INPP4B: variants seen among roughly 807,000 people sequenced by gnomAD.
INPP4B encodes inositol polyphosphate-4-phosphatase type II B.
A neutral mutation model predicts 122.5 loss-of-function variants in INPP4B; 55 were observed. The observed-to-expected ratio is 0.45, with a 90% confidence interval of 0.36 to 0.56. INPP4B has a LOEUF of 0.56. INPP4B is among the 20% of genes least tolerant of loss of function. The pLI is 0.00. For missense variants in INPP4B, 1,000 were observed against 1,097.7 expected (o/e 0.91, Z 1.26); for synonymous variants, 403 against 388.7 (o/e 1.04, Z -0.43).
chr4:142,567,250 G>A (rs1471030001), intron 2 of INPP4B, among the ~76,000 whole-genome samples: 2 of 152,054 alleles, frequency 1.3e-5, no homozygotes, highest in African/African-American at 4.8e-5. Context: ...GAATAAATTC[G>A]AATCCATACA....
intron 2 of INPP4B, among the ~76,000 whole-genome samples, chr4:142,490,271 T>C (rs1405433390): frequency 6.6e-6 from 1 of 151,972 alleles, no homozygotes; most frequent in Non-Finnish European, 1.5e-5. Context: ...ATATATTTTG[T>C]AGAGACAGGG....
At chr4:142,649,820 AACC>A (rs1440643324) in intron 2 of INPP4B, among the ~76,000 whole-genome samples, 1 of 152,250 alleles carries the variant, frequency 6.6e-6, no homozygotes, top group East Asian at 1.9e-4. Flanking sequence ...CAACTTCCCC[AACC>A]TAGCAAAGCA....
intron 5 of INPP4B, among the ~76,000 whole-genome samples, chr4:142,419,533 A>C (rs763681992): frequency 5.9e-5 from 9 of 152,122 alleles, no homozygotes; most frequent in Non-Finnish European, 8.8e-5. Flanking sequence ...CAGAGAACTT[A>C]AGCTTTGGGC....
chr4:142,780,385 TAATC>T (rs1487508302), intron 1 of INPP4B, among the ~76,000 whole-genome samples: 3 of 152,182 alleles, frequency 2.0e-5, no homozygotes, highest in Non-Finnish European at 2.9e-5. Context: ...CTACAGGACT[TAATC>T]AAAATACGAA....
chr4:142,430,769 C>G (rs1407506492), intron 4 of INPP4B, among the ~76,000 whole-genome samples: 3 of 151,932 alleles, frequency 2.0e-5, no homozygotes, highest in Non-Finnish European at 4.4e-5. Flanking sequence ...ACTTAAGTAC[C>G]TTTTGGGTTT....
At chr4:142,222,709 C>G (rs188988161) in intron 12 of INPP4B, among the ~76,000 whole-genome samples, 1 of 152,292 alleles carries the variant, frequency 6.6e-6, no homozygotes, top group East Asian at 1.9e-4. Context: ...TGTCTCAGCT[C>G]CAAACACACC....
At chr4:142,161,804 A>T (rs1265844798) in intron 16 of INPP4B, among the ~76,000 whole-genome samples, 1 of 151,928 alleles carries the variant, frequency 6.6e-6, no homozygotes, top group Admixed American at 6.6e-5. Context: ...GGTGAAAGGG[A>T]TCTTAAAGTT....
At chr4:142,682,389 G>GT (rs1310012632) in intron 2 of INPP4B, among the ~76,000 whole-genome samples, 4 of 151,680 alleles carry the variant, frequency 2.6e-5, no homozygotes, top group Admixed American at 6.6e-5. Context: ...CTAAAGTGTT[G>GT]TATCTTTTTT....
rs1218944179 is a variant in INPP4B at position 142,027,814 on chromosome 4, T to G, written c.*968A>C. Reference sequence around the variant, plus strand: ...GTTTGATATTCAGGGCAACAGAAAATAATTGTTTTACTTTATCATTTGTTG... The same window carrying G: ...GTTTGATATTCAGGGCAACAGAAAAGAATTGTTTTACTTTATCATTTGTTG... On this transcript the variant is annotated 3_prime_UTR_variant, in exon 26 of 26. Coordinates refer to ENST00000262992, the MANE Select transcript of INPP4B (RefSeq NM_001101669.3). 1 of 167,340 alleles carries G rather than the reference T, an allele frequency of 6.0e-6. No individual in the cohort carries two copies. The highest frequency in any genetic ancestry group is 6.4e-5 in the Admixed American group (1 of 15,612). The allele number at this position is 167,340 out of a possible 1,614,324, so 10.4% of individuals were successfully genotyped here.
intron 12 of INPP4B, among the ~76,000 whole-genome samples, chr4:142,214,846 C>T (rs1846406167): frequency 6.6e-6 from 1 of 152,180 alleles, no homozygotes; most frequent in Non-Finnish European, 1.5e-5. Flanking sequence ...AGCCACTGCG[C>T]CCGACCCAGC....
chr4:142,259,314 C>A (rs1338802726), intron 11 of INPP4B, among the ~76,000 whole-genome samples: 1 of 151,288 alleles, frequency 6.6e-6, no homozygotes. Flanking sequence ...TGTAACTAAC[C>A]TGCACGTTGT....
At chr4:142,261,747 C>G (rs1740136708) in intron 10 of INPP4B, among the ~76,000 whole-genome samples, 1 of 152,126 alleles carries the variant, frequency 6.6e-6, no homozygotes, top group East Asian at 1.9e-4. Flanking sequence ...GTTCCTCAAA[C>G]ATTTTGAGGA....
chr4:142,223,212 ACACT>A (rs997882018), intron 12 of INPP4B, among the ~76,000 whole-genome samples: 4 of 151,940 alleles, frequency 2.6e-5, no homozygotes, highest in African/African-American at 7.3e-5. Context: ...ACACACACAC[ACACT>A]CACACACACA....
intron 2 of INPP4B, among the ~76,000 whole-genome samples, chr4:142,593,252 G>C (rs1737924804): frequency 6.6e-6 from 1 of 152,042 alleles, no homozygotes; most frequent in Non-Finnish European, 1.5e-5. Flanking sequence ...CCTCACAGAT[G>C]ATGAGGTAAA....
intron 15 of INPP4B, among the ~76,000 whole-genome samples, chr4:142,187,028 T>G (rs1390073052): frequency 6.6e-6 from 1 of 152,042 alleles, no homozygotes; most frequent in African/African-American, 2.4e-5. Context: ...AGCCCGTATT[T>G]GCCAAAATAT....
At chr4:142,124,452 AAGAAACATGGGATAC>A in intron 19 of INPP4B, 121 bp downstream of exon 19, 1 of 724,794 alleles carries the variant, frequency 1.4e-6, no homozygotes, top group Non-Finnish European at 2.3e-6. Flanking sequence ...TATCGTGAAT[AAGAAACATGGGATAC>A]CAAAACTTTA....
At chr4:142,045,179 A>G (rs1250664720) in intron 25 of INPP4B, among the ~76,000 whole-genome samples, 1 of 152,130 alleles carries the variant, frequency 6.6e-6, no homozygotes, top group Non-Finnish European at 1.5e-5. Flanking sequence ...ACCTATATAA[A>G]TGTTAATGCA....
At chr4:142,273,078 G>A (rs954056001) in intron 9 of INPP4B, among the ~76,000 whole-genome samples, 9 of 151,980 alleles carry the variant, frequency 5.9e-5, no homozygotes, top group Admixed American at 5.9e-4. Context: ...TGCTAGCTGT[G>A]TGACTTTGGG....
intron 1 of INPP4B, among the ~76,000 whole-genome samples, chr4:142,789,811 C>T (rs1776282074): frequency 6.6e-6 from 1 of 152,018 alleles, no homozygotes; most frequent in Non-Finnish European, 1.5e-5. Context: ...AATCTAGAAG[C>T]ATCACATTAC....
Sources: gnomAD v4.1 joint callset for allele counts (sites outside exome capture counted in the v4.1 genomes callset) on GRCh38, gnomAD v4.1.1 for gene constraint, MANE v1.5 for transcripts, NCBI Gene and HGNC (gene_info 2026-07-23, HGNC 2026-07-21) for gene names.